Variants in NAALADL2 observed in about 807,000 individuals in gnomAD.
NAALADL2 encodes inactive N-acetylated-alpha-linked acidic dipeptidase-like protein 2.
Under a neutral mutation model 87.2 loss-of-function variants are expected in NAALADL2, and 76 were observed. That is an observed-to-expected ratio of 0.87 (90% CI 0.72 to 1.05). The LOEUF is 1.05. NAALADL2 is among the 50% of genes least tolerant of loss of function. NAALADL2 has a pLI of 0.00. For synonymous variants in NAALADL2, 354 were observed against 331.0 expected, an observed-to-expected ratio of 1.07 and a Z score of -0.75; for missense variants, 1,089 against 945.8, an observed-to-expected ratio of 1.15 and a Z score of -1.99.
chr3:175,261,568 A>G (rs62285937), intron 4 of NAALADL2, among the ~76,000 whole-genome samples: 2,459 of 152,162 alleles, frequency 0.016, 121 homozygotes, highest in Admixed American at 0.1. Flanking sequence ...CAAAAACTCT[A>G]TTGCTTTTTT....
chr3:174,785,564 T>C (rs1417080709), intron 3 of NAALADL2, among the ~76,000 whole-genome samples: 1 of 152,154 alleles, frequency 6.6e-6, no homozygotes, highest in Non-Finnish European at 1.5e-5. Flanking sequence ...ACTTTGAAAT[T>C]AGGTAATGCA....
chr3:175,349,096 A>G (rs1023201461), intron 5 of NAALADL2, among the ~76,000 whole-genome samples: 2 of 152,062 alleles, frequency 1.3e-5, no homozygotes, highest in African/African-American at 2.4e-5. Flanking sequence ...TACTATGGAT[A>G]TATAGGGGTG....
intron 1 of NAALADL2, among the ~76,000 whole-genome samples, chr3:174,886,709 A>G (rs932338127): frequency 6.6e-6 from 1 of 152,192 alleles, no homozygotes; most frequent in Non-Finnish European, 1.5e-5. Flanking sequence ...CCATGCATCT[A>G]TAAGCCTCTT....
chr3:175,731,062 A>G (rs1047239233), intron 11 of NAALADL2, among the ~76,000 whole-genome samples: 1 of 152,222 alleles, frequency 6.6e-6, no homozygotes, highest in African/African-American at 2.4e-5. Flanking sequence ...ACAGTTGGCA[A>G]GAAGTAAAGA....
At chr3:175,538,480 A>G (rs1039381262) in intron 9 of NAALADL2, among the ~76,000 whole-genome samples, 9 of 152,256 alleles carry the variant, frequency 5.9e-5, no homozygotes, top group African/African-American at 2.2e-4. Flanking sequence ...CATCACACAC[A>G]AAAATATGAG....
chr3:175,166,071 AT>A (rs750607351), intron 2 of NAALADL2, among the ~76,000 whole-genome samples: 1 of 149,560 alleles, frequency 6.7e-6, no homozygotes, highest in Non-Finnish European at 1.5e-5. Context: ...CTAAAATTTA[AT>A]TTTAAAAAAT....
intron 9 of NAALADL2, among the ~76,000 whole-genome samples, chr3:175,546,870 A>G (rs961691037): frequency 3.9e-5 from 6 of 152,094 alleles, no homozygotes; most frequent in African/African-American, 1.4e-4. Context: ...AGGGAGGTGC[A>G]GTATATCTAC....
chr3:175,115,526 C>A (rs1332213429), intron 2 of NAALADL2, among the ~76,000 whole-genome samples: 5 of 151,494 alleles, frequency 3.3e-5, no homozygotes, highest in Non-Finnish European at 7.4e-5. Flanking sequence ...TACTTTCTTA[C>A]CCAATTTACA....
At chr3:175,445,513 A>C (rs1720544127) in intron 5 of NAALADL2, among the ~76,000 whole-genome samples, 1 of 151,796 alleles carries the variant, frequency 6.6e-6, no homozygotes, top group Admixed American at 6.6e-5. Flanking sequence ...TATGTGTTGG[A>C]GTTTGTTTTT....
chr3:175,190,511 T>C (rs1177272953), intron 2 of NAALADL2, among the ~76,000 whole-genome samples: 3 of 152,078 alleles, frequency 2.0e-5, no homozygotes, highest in Admixed American at 1.3e-4. Context: ...TCACACCTGT[T>C]AGGATGTCTA....
At chr3:175,243,141 A>G (rs1469442130) in intron 3 of NAALADL2, among the ~76,000 whole-genome samples, 1 of 143,906 alleles carries the variant, frequency 6.9e-6, no homozygotes, top group Non-Finnish European at 1.5e-5. Context: ...GGAGTTTCCT[A>G]TGAACCACCT....
intron 2 of NAALADL2, among the ~76,000 whole-genome samples, chr3:174,562,965 A>G (rs992887892): frequency 6.6e-6 from 1 of 152,128 alleles, no homozygotes; most frequent in Non-Finnish European, 1.5e-5. Context: ...ACACAAAGTT[A>G]TATTTCTGGA....
At chr3:175,222,530 T>C (rs1215936890) in intron 2 of NAALADL2, among the ~76,000 whole-genome samples, 1 of 152,172 alleles carries the variant, frequency 6.6e-6, no homozygotes, top group African/African-American at 2.4e-5. Context: ...CTTCATTAAT[T>C]GGCATGTCCA....
chr3:175,211,531 C>T (rs1419189043), intron 2 of NAALADL2, among the ~76,000 whole-genome samples: 1 of 151,916 alleles, frequency 6.6e-6, no homozygotes, highest in Non-Finnish European at 1.5e-5. Context: ...AAAACACTTA[C>T]ATATTTTACT....
chr3:175,686,216 A>G (rs1736274966), intron 11 of NAALADL2, among the ~76,000 whole-genome samples: 1 of 152,326 alleles, frequency 6.6e-6, no homozygotes, highest in South Asian at 2.1e-4. Context: ...TACAAAAGTA[A>G]CAATGAACAA....
chr3:174,839,009 A>G (rs1316854202), intron 3 of NAALADL2, among the ~76,000 whole-genome samples: 1 of 152,142 alleles, frequency 6.6e-6, no homozygotes, highest in Non-Finnish European at 1.5e-5. Context: ...AAAGTTCATA[A>G]GGAACCAAAA....
At chr3:175,742,490 C>T (rs995757095) in intron 12 of NAALADL2, among the ~76,000 whole-genome samples, 2 of 152,090 alleles carry the variant, frequency 1.3e-5, no homozygotes, top group Non-Finnish European at 2.9e-5. Flanking sequence ...CTCCGCCTCC[C>T]GGGTTCACGC....
At chr3:175,649,751 A>G (rs972320292) in intron 11 of NAALADL2, among the ~76,000 whole-genome samples, 4 of 152,142 alleles carry the variant, frequency 2.6e-5, no homozygotes, top group African/African-American at 9.7e-5. Flanking sequence ...ACTTCCTTAG[A>G]GGTCCCAGAC....
intron 1 of NAALADL2, among the ~76,000 whole-genome samples, chr3:174,861,621 G>A (rs1579246535): frequency 6.6e-6 from 1 of 152,014 alleles, no homozygotes; most frequent in South Asian, 2.1e-4. Context: ...TTTTGACTAT[G>A]AGGATAATAT....
Sources: gnomAD v4.1 joint callset for allele counts (sites outside exome capture counted in the v4.1 genomes callset) on GRCh38, gnomAD v4.1.1 for gene constraint, MANE v1.5 for transcripts, NCBI Gene and HGNC (gene_info 2026-07-23, HGNC 2026-07-21) for gene names.